INCENP: variants seen among roughly 807,000 people sequenced by gnomAD.
INCENP encodes inner centromere protein.
INCENP carries 43 observed loss-of-function variants against 107.3 expected under a neutral mutation model. That is an observed-to-expected ratio of 0.40 (90% CI 0.31 to 0.52). The LOEUF is 0.52. Ranked by LOEUF, INCENP falls within the 20% of genes least tolerant of loss-of-function variation. The probability of loss-of-function intolerance (pLI) is 0.53; values close to 1 mark genes in which losing one functional copy is unlikely to be tolerated. For missense variants in INCENP, 1,089 were observed against 1,250.9 expected (o/e 0.87, Z 1.95); for synonymous variants, 488 against 494.4 (o/e 0.99, Z 0.17).
At chr11:62,149,170 T>C (rs1174028023) in intron 17 of INCENP, among the ~76,000 whole-genome samples, 1 of 150,828 alleles carries the variant, frequency 6.6e-6, no homozygotes, top group East Asian at 1.9e-4. Context: ...ATATCCTCTC[T>C]CTCTCTCTCT....
intron 8 of INCENP, 121 bp from the exon 9 acceptor site, chr11:62,140,583 G>C (rs1308582600): frequency 1.2e-6 from 1 of 841,094 alleles, no homozygotes; most frequent in African/African-American, 1.7e-5. Context: ...AGGCTCTGCA[G>C]CCTCTTTCAG....
intron 1 of INCENP, among the ~76,000 whole-genome samples, 184 bp from the exon 2 acceptor site, chr11:62,127,967 A>G (rs1943791833): frequency 8.8e-6 from 1 of 113,092 alleles, no homozygotes; most frequent in Non-Finnish European, 1.7e-5. Flanking sequence ...TGTAGAGATG[A>G]GGCTAGGGGA....
Position 62,152,097 on chromosome 11 carries a change from G to C in INCENP, c.*121G>C, listed in dbSNP as rs117392689. 0.059 allele frequency: 31,246 copies of C among 534,116 alleles called. 820 individuals carry two copies. Among genetic ancestry groups the C allele is most frequent in the Non-Finnish European group, 0.072 (24,286 of 337,418 alleles). The allele number at this position is 534,116 out of a possible 1,614,324, so 33.1% of individuals were successfully genotyped here. A position where few individuals can be genotyped will look rare whatever the true frequency, so the allele number is the denominator to read the frequency against. On this transcript the variant is annotated 3_prime_UTR_variant, in exon 19 of 19. Coordinates refer to ENST00000394818, the MANE Select transcript of INCENP (RefSeq NM_001040694.2). The stretch of plus-strand genomic sequence containing the variant: ...CATGCCATTGTGGAGGGCTTGGCCA[G>C]GTGTATATAAACGTCCTCTGTGCTG...
At chr11:62,128,722 C>A in intron 2 of INCENP, 48 bp from the exon 3 acceptor site, 1 of 1,324,260 alleles carries the variant, frequency 7.6e-7, no homozygotes, top group Non-Finnish European at 1.1e-6. Flanking sequence ...GAGAGGGGAC[C>A]AGTGGTTCCC....
chr11:62,145,399 C>T (rs1944220754), intron 13 of INCENP, 110 bp downstream of exon 13: 1 of 1,494,962 alleles, frequency 6.7e-7, no homozygotes, highest in African/African-American at 1.4e-5. Context: ...TACCCATCTC[C>T]TGTCTGCCCC....
rs533613179 is a variant in INCENP at position 62,130,023 on chromosome 11, G to C, written c.496G>C (p.Val166Leu). 6.8e-6 allele frequency: 11 copies of C among 1,614,072 alleles called. No individual in the cohort carries two copies. The highest frequency in any genetic ancestry group is 1.7e-5 in the Admixed American group (1 of 60,008). ...PEDNHTQCQL[V>L]PVVEIGISER... ...GGATAACCACACCCAGTGCCAGCTG[G>C]TGCCTGTGGTGGAGATCGGCATCAG... The change falls in exon 4 of 19, where the codon GTG becomes CTG. Residue 166 changes from valine to leucine, a missense_variant. Coordinates refer to ENST00000394818, the MANE Select transcript of INCENP (RefSeq NM_001040694.2).
Position 62,145,205 on chromosome 11 carries a change from C to T in INCENP, c.1752C>T (p.Ala584=), listed in dbSNP as rs566849550. ...AACGCCTCCGCAAGGTGCTGCAGGC[C>T]CGCGAGCGGGTGGAGCAGATGAAGG... The part of the protein sequence containing the change: ...REERLRKVLQ[A]RERVEQMKEE... Residue 584 remains alanine, a synonymous_variant, in exon 13 of 19, where the codon GCC becomes GCT. Coordinates refer to ENST00000394818, the MANE Select transcript of INCENP (RefSeq NM_001040694.2). The T allele has an allele frequency of 4.3e-6, 7 of 1,614,092 alleles. No homozygotes were observed. The highest frequency in any genetic ancestry group is 4.0e-5 in the African/African-American group (3 of 75,032).
At chr11:62,138,062 C>G (rs1180428942) in intron 5 of INCENP, 179 bp downstream of exon 5, 4 of 637,740 alleles carry the variant, frequency 6.3e-6, no homozygotes, top group Non-Finnish European at 1.1e-5. Flanking sequence ...TGTTGGCCAC[C>G]TGGTCTCCTT....
In INCENP at chr11:62,129,937, C is replaced by T. The variant is rs34441559; in HGVS notation, c.410C>T (p.Ala137Val). ...AAAAAAAATM[A>V]LAAPSSPTPE... ...GCTGCAGCTGCCGCGGCTACCATGG[C>T]ATTGGCTGCACCTTCTTCACCCACC... Residue 137 changes from alanine (A) to valine (V), a missense_variant, in exon 4 of 19, where the codon GCA (alanine) becomes GTA (valine). By Grantham distance (64) the Ala-to-Val change is moderately conservative (BLOSUM62 0). Transcript: ENST00000394818. The T allele has an allele frequency of 9.4e-3, 15,180 of 1,613,990 alleles. 960 individuals are homozygous for T. The African/African-American group carries it at 0.16, about 17-fold the overall frequency.
chr11:62,133,592 C>G (rs191828551), intron 4 of INCENP, among the ~76,000 whole-genome samples: 2 of 152,318 alleles, frequency 1.3e-5, no homozygotes, highest in East Asian at 1.9e-4. Context: ...TACCACCAGA[C>G]CAGCTCTGAG....
chr11:62,145,567 G>T, intron 13 of INCENP, 62 bp from the exon 14 acceptor site: 1 of 1,539,412 alleles, frequency 6.5e-7, no homozygotes, highest in South Asian at 1.3e-5. Flanking sequence ...CACAGTTCTG[G>T]GCTCCACTCT....
chr11:62,146,893 A>C lies in INCENP; in HGVS notation c.2195A>C (p.Gln732Pro), dbSNP rs1944263374. 1 of 1,600,806 alleles carries C rather than the reference A, an allele frequency of 6.2e-7. No homozygotes were observed. Among genetic ancestry groups the C allele is most frequent in the Non-Finnish European group, 8.5e-7 (1 of 1,178,418 alleles). ...QERRREQERL[Q>P]AERELQEREK... ...CGTCGGCGGGAGCAGGAGCGGCTCC[A>C]GGCCGAGAGGTGAGGGACCTGCTGG... The change falls in exon 15 of 19, where the codon CAG (glutamine) becomes CCG (proline). Residue 732 changes from glutamine to proline, a missense_variant. By Grantham distance (76) the Gln-to-Pro change is moderately conservative (BLOSUM62 -1). Transcript: ENST00000394818.
intron 16 of INCENP, 53 bp from the exon 17 acceptor site, chr11:62,148,686 A>C: frequency 7.1e-7 from 1 of 1,407,166 alleles, no homozygotes; most frequent in Non-Finnish European, 9.7e-7. Flanking sequence ...AGGGGAGGGG[A>C]GGGAAGGGCA....
chr11:62,145,754 G>A lies in INCENP; in HGVS notation c.1959+3G>A, dbSNP rs1295352513. The stretch of plus-strand genomic sequence containing the variant: ...GTAGGCTCAGGTGGCTGCAGCAGGT[G>A]CGAGCACAGGTGGGCCTCAGGGAGG... On this transcript the variant is annotated splice_donor_region_variant and intron_variant, in intron 14 of 18. Transcript: ENST00000394818. The A allele has an allele frequency of 1.9e-6, 3 of 1,551,272 alleles. No homozygotes were observed. The highest frequency in any genetic ancestry group is 2.6e-6 in the Non-Finnish European group (3 of 1,147,478).
rs1186202433 is a variant in INCENP at position 62,137,744 on chromosome 11, C to G, written c.1064-88C>G. On this transcript the variant is annotated intron_variant, in intron 4 of 18. Transcript: ENST00000394818. ...TAGTGATGGGAGCAGTGGCCAGGCC[C>G]TTGCTGGAACCCGGTCCCCTGGACC... The G allele has an allele frequency of 2.5e-6, 3 of 1,197,182 alleles. No individual in the cohort carries two copies. In the Admixed American group the frequency reaches 5.1e-5, roughly 20 times the overall value. 74.2% of individuals were successfully genotyped at this position (1,197,182 alleles called of 1,614,324 possible).
chr11:62,149,258 A>G (rs113210761), intron 17 of INCENP, among the ~76,000 whole-genome samples: 6,051 of 151,470 alleles, frequency 0.04, 375 homozygotes, highest in African/African-American at 0.14. Context: ...CCCAACCCCC[A>G]TGGTTTTTTT....
chr11:62,130,587 A>T lies in INCENP; in HGVS notation c.1060A>T (p.Ile354Phe), dbSNP rs1003280186. The T allele has an allele frequency of 1.2e-6, 2 of 1,609,848 alleles. No homozygotes were observed. ...AEEPAASGRI[I>F]CHSYLERLLN... is the part of the protein sequence containing the mutation. Reference sequence around the variant, plus strand: ...AGAGCCAGCTGCCTCTGGCCGCATCATCTGTGAGTCTGGGGGCTTGGCAGT... The same window carrying T: ...AGAGCCAGCTGCCTCTGGCCGCATCTTCTGTGAGTCTGGGGGCTTGGCAGT... Residue 354 changes from isoleucine to phenylalanine, a missense_variant, in exon 4 of 19, where the codon ATC (isoleucine) becomes TTC (phenylalanine). Transcript: ENST00000394818.
rs748574903 is a variant in INCENP, at chr11:62,138,963, C to G, written c.1249C>G (p.Pro417Ala). The G allele has an allele frequency of 1.2e-6, 2 of 1,614,114 alleles. No individual in the cohort carries two copies. The highest frequency in any genetic ancestry group is 1.1e-5 in the South Asian group (1 of 91,092). ...EIANSTPNPKPAASSPETPSA... is the reference protein window; with the variant it reads ...EIANSTPNPKAAASSPETPSA... ...TGCCAACAGCACACCCAACCCGAAG[C>G]CTGCAGCCAGCAGCCCGGAAACACC... is the stretch of plus-strand genomic sequence containing the variant. Residue 417 changes from proline to alanine, a missense_variant, in exon 7 of 19, where the codon CCT (proline) becomes GCT (alanine). Pro to Ala is a conservative substitution (Grantham distance 27, BLOSUM62 -1). Coordinates refer to ENST00000394818, the MANE Select transcript of INCENP (RefSeq NM_001040694.2).
chr11:62,128,142 C>T lies in INCENP; in HGVS notation c.-11-9C>T. ...CCTAACTTGTGCCTCTTGTCCCTGC[C>T]TTCACCAGACAGAGCCACCATGGGG... is the stretch of plus-strand genomic sequence containing the variant. On this transcript the variant is annotated splice_polypyrimidine_tract_variant and intron_variant, in intron 1 of 18. Transcript: ENST00000394818. 6.2e-7 allele frequency: 1 copy of T among 1,613,926 alleles called. No individual in the cohort carries two copies. The highest frequency in any genetic ancestry group is 8.5e-7 in the Non-Finnish European group (1 of 1,179,932).
Sources: gnomAD v4.1 joint callset for allele counts (sites outside exome capture counted in the v4.1 genomes callset) on GRCh38, gnomAD v4.1.1 for gene constraint, MANE v1.5 for transcripts, NCBI Gene and HGNC (gene_info 2026-07-23, HGNC 2026-07-21) for gene names.